ADGRF1: variants seen among roughly 807,000 people sequenced by gnomAD.
ADGRF1 encodes the protein adhesion G protein-coupled receptor F1.
A neutral mutation model predicts 87.2 loss-of-function variants in ADGRF1; 85 were observed. The ratio of observed to expected loss-of-function variants is 0.97; its 90% CI spans 0.82 to 1.17. The LOEUF (loss-of-function observed/expected upper bound fraction) is 1.17, where lower values mean the gene tolerates loss of function less well. Ranked by LOEUF, ADGRF1 falls within the 50% of genes most tolerant of loss-of-function variation. The pLI is 0.00. For missense variants in ADGRF1, 1,169 were observed against 1,077.2 expected (o/e 1.09, Z -1.19); for synonymous variants, 430 against 408.8 (o/e 1.05, Z -0.63).
At chr6:47,020,633 C>T in intron 7 of ADGRF1, 98 bp downstream of exon 7, 3 of 1,582,678 alleles carry the variant, frequency 1.9e-6, no homozygotes, top group East Asian at 4.5e-5. Context: ...GACTTCTGTC[C>T]TGTTTTCTGT....
rs1007815193 is a variant in ADGRF1 at position 47,025,842 on chromosome 6, G to C, written c.277+12C>G. On this transcript the variant is annotated intron_variant, in intron 4 of 14. Coordinates refer to ENST00000371253, the MANE Select transcript of ADGRF1 (RefSeq NM_153840.4). ...CCCCATTTATACATCCAGTCACCGA[G>C]AGCCACCTTACCTGTGGTAGCCTTT... 2 of 1,569,266 alleles carry C rather than the reference G, an allele frequency of 1.3e-6. No individual in the cohort carries two copies.
In ADGRF1 at chr6:46,998,611, A is replaced by G. The variant is rs530301124; in HGVS notation, c.*1611T>C. On this transcript the variant is annotated 3_prime_UTR_variant, in exon 15 of 15. Coordinates refer to ENST00000371253, the MANE Select transcript of ADGRF1 (RefSeq NM_153840.4). ...AGAATCAGACTTCCATCAGCCATGC[A>G]TCCTAATTGTTGTGGTTCTGAGAAA... 1 of 152,368 alleles carries G rather than the reference A, an allele frequency of 6.6e-6. No homozygotes were observed. The highest frequency in any genetic ancestry group is 2.4e-5 in the African/African-American group (1 of 41,580). The allele number at this position is 152,368 out of a possible 1,614,324, so 9.4% of individuals were successfully genotyped here.
At chr6:47,033,254 T>C (rs568125128) in intron 1 of ADGRF1, among the ~76,000 whole-genome samples, 1 of 152,342 alleles carries the variant, frequency 6.6e-6, no homozygotes, top group South Asian at 2.1e-4. Flanking sequence ...CTTGAATTCA[T>C]TCAGTGAATT....
chr6:47,009,513 A>G lies in ADGRF1; in HGVS notation c.1922T>C (p.Phe641Ser). The G allele has an allele frequency of 1.2e-6, 2 of 1,614,082 alleles. No individual in the cohort carries two copies. Among genetic ancestry groups the G allele is most frequent in the Non-Finnish European group, 1.7e-6 (2 of 1,180,010 alleles). The change falls in exon 11 of 15, where the codon TTT (phenylalanine) becomes TCT (serine). Residue 641 changes from phenylalanine (F) to serine (S), a missense_variant. Physicochemically the swap from Phe to Ser is radical, Grantham distance 155 (BLOSUM62 -2). Transcript: ENST00000371253. ...GGTGTCCACTGTGGCACCAACAATA[A>G]ACCAGACATCAGCAATCAAGAGGGA... ...ALSLLIADVWFIVGATVDTTV... is the reference protein window; with the variant it reads ...ALSLLIADVWSIVGATVDTTV...
At chr6:47,005,927 A>G in intron 12 of ADGRF1, 51 bp from the exon 13 acceptor site, 1 of 1,192,968 alleles carries the variant, frequency 8.4e-7, no homozygotes, top group Non-Finnish European at 1.2e-6. Context: ...AATCATACAC[A>G]GACAAATCAA....
intron 1 of ADGRF1, among the ~76,000 whole-genome samples, chr6:47,030,978 G>T (rs1230140831): frequency 6.6e-6 from 1 of 152,076 alleles, no homozygotes; most frequent in Admixed American, 6.5e-5. Context: ...GGTCAGGCTG[G>T]TCTCAAACTC....
intron 13 of ADGRF1, among the ~76,000 whole-genome samples, chr6:47,004,057 T>G (rs1327284241): frequency 2.6e-5 from 4 of 152,126 alleles, no homozygotes; most frequent in Non-Finnish European, 5.9e-5. Context: ...TTATTTGTTT[T>G]CAGAGTCTCT....
In ADGRF1 at chr6:47,009,928, C is replaced by T. The variant is rs1432137596; in HGVS notation, c.1507G>A (p.Gly503Arg). 1 of 1,613,996 alleles carries T rather than the reference C, an allele frequency of 6.2e-7. No homozygotes were observed. The highest frequency in any genetic ancestry group is 1.3e-5 in the African/African-American group (1 of 74,934). Reference sequence around the variant, plus strand: ...TGAATAACCGTGGATATCACAGGTCCATTGACCTGAGCATTTCCATTTTTG... The same window carrying T: ...TGAATAACCGTGGATATCACAGGTCTATTGACCTGAGCATTTCCATTTTTG... ...VSKNGNAQVN[G>R]PVISTVIQNY... Residue 503 changes from glycine to arginine, a missense_variant, in exon 11 of 15, where the codon GGA becomes AGA. By Grantham distance (125) the Gly-to-Arg change is moderately radical (BLOSUM62 -2). Coordinates refer to ENST00000371253, the MANE Select transcript of ADGRF1 (RefSeq NM_153840.4).
At chr6:47,022,869 G>A (rs1161665336) in intron 5 of ADGRF1, among the ~76,000 whole-genome samples, 1 of 141,778 alleles carries the variant, frequency 7.1e-6, no homozygotes, top group Middle Eastern at 3.5e-3. Context: ...GCAGTGGCAC[G>A]ATCTTGGCTC....
At position 47,009,288 on chromosome 6, in the gene ADGRF1, A is replaced by G. The variant is rs1779622899; in HGVS notation, c.2147T>C (p.Ile716Thr). 6.2e-7 allele frequency: 1 copy of G among 1,614,030 alleles called. No individual in the cohort carries two copies. Among genetic ancestry groups the G allele is most frequent in the Non-Finnish European group, 8.5e-7 (1 of 1,180,012 alleles). ...GCTAGGTTGCGTGACAGCAATGGTA[A>G]TGACAGATATAATGAGAGGGCACCC... The part of the protein sequence containing the change: ...GYGCPLIISV[I>T]TIAVTQPSNT... Residue 716 changes from isoleucine to threonine, a missense_variant, in exon 11 of 15, where the codon ATT (isoleucine) becomes ACT (threonine). Coordinates refer to ENST00000371253, the MANE Select transcript of ADGRF1 (RefSeq NM_153840.4).
intron 4 of ADGRF1, among the ~76,000 whole-genome samples, chr6:47,025,256 C>G (rs550596853): frequency 3.3e-4 from 50 of 152,152 alleles, no homozygotes; most frequent in Non-Finnish European, 3.7e-4. Context: ...GACACAGAAT[C>G]ACCTGGAAGA....
intron 10 of ADGRF1, among the ~76,000 whole-genome samples, 179 bp downstream of exon 10, chr6:47,011,828 T>C (rs1363113163): frequency 6.6e-6 from 1 of 152,206 alleles, no homozygotes; most frequent in African/African-American, 2.4e-5. Context: ...TGTCTTCCTT[T>C]GAACACACAC....
At chr6:47,012,478 G>A (rs1779737895) in intron 9 of ADGRF1, 2 of 499,008 alleles carry the variant, frequency 4.0e-6, no homozygotes, top group Non-Finnish European at 5.5e-6. Context: ...TTTGAGGGAG[G>A]TGCCATTATT....
chr6:47,003,792 G>A (rs1247399830), intron 13 of ADGRF1, among the ~76,000 whole-genome samples: 1 of 152,074 alleles, frequency 6.6e-6, no homozygotes, highest in East Asian at 1.9e-4. Context: ...AACCATCTTT[G>A]GCACACATTC....
chr6:47,028,769 C>T (rs1780322316), intron 2 of ADGRF1, among the ~76,000 whole-genome samples: 1 of 152,170 alleles, frequency 6.6e-6, no homozygotes, highest in African/African-American at 2.4e-5. Flanking sequence ...CAAAGATCCT[C>T]CTTTTGCAGT....
In ADGRF1 at chr6:47,009,029, G is replaced by A; in HGVS notation, c.2406C>T (p.Leu802=). ...TTGTTCCTATTCCAAAGCCCCAGGT[G>A]AGCCCTAGCAGAGGGGTCAGAATGA... ...SLLILTPLLG[L]TWGFGIGTIV... The change falls in exon 11 of 15, where the codon CTC becomes CTT. Residue 802 remains leucine (L), a synonymous_variant. Transcript: ENST00000371253. The A allele has an allele frequency of 5.0e-6, 8 of 1,614,060 alleles. No individual in the cohort carries two copies. The highest frequency in any genetic ancestry group is 6.8e-6 in the Non-Finnish European group (8 of 1,179,994).
chr6:47,009,202 G>C lies in ADGRF1; in HGVS notation c.2233C>G (p.Leu745Val), dbSNP rs1310321685. ...LNWSNGSKPL[L>V]AFVVPALAIV... Reference sequence around the variant, plus strand: ...GCCAGTGCAGGGACAACAAAAGCCAGGAGTGGTTTGCTTCCATTGGACCAG... The same window carrying C: ...GCCAGTGCAGGGACAACAAAAGCCACGAGTGGTTTGCTTCCATTGGACCAG... The change falls in exon 11 of 15, where the codon CTG becomes GTG. Residue 745 changes from leucine (L) to valine (V), a missense_variant. Leu to Val is a conservative substitution (Grantham distance 32). Coordinates refer to ENST00000371253, the MANE Select transcript of ADGRF1 (RefSeq NM_153840.4). 1.9e-6 allele frequency: 3 copies of C among 1,614,166 alleles called. No homozygotes were observed. The highest frequency in any genetic ancestry group is 2.7e-5 in the African/African-American group (2 of 75,042).
intron 1 of ADGRF1, among the ~76,000 whole-genome samples, chr6:47,039,858 A>C (rs933370761): frequency 1.3e-5 from 2 of 152,156 alleles, no homozygotes; most frequent in East Asian, 3.9e-4. Flanking sequence ...GCTACTCAGG[A>C]GGCTGAGACA....
intron 1 of ADGRF1, among the ~76,000 whole-genome samples, chr6:47,029,733 C>G (rs1242785455): frequency 6.6e-6 from 1 of 152,140 alleles, no homozygotes; most frequent in Admixed American, 6.5e-5. Context: ...AATACAGTAG[C>G]CATTAGCCAT....
Sources: allele counts gnomAD v4.1 joint callset (sites outside exome capture counted in the v4.1 genomes callset), GRCh38; gene constraint gnomAD v4.1.1; transcripts MANE v1.5; gene names NCBI Gene and HGNC (gene_info 2026-07-23, HGNC 2026-07-21).